Variants in ARID1B observed in about 807,000 individuals in gnomAD.
ARID1B encodes AT-rich interaction domain 1B, also known as AT-rich interactive domain-containing protein 1B.
In ARID1B, 30 loss-of-function variants were observed where a neutral mutation model predicts 212.3. The ratio of observed to expected loss-of-function variants is 0.14; its 90% CI spans 0.11 to 0.19. ARID1B has a LOEUF of 0.19. ARID1B is among the 10% of genes least tolerant of loss of function. The probability of loss-of-function intolerance (pLI) is 1.00; values close to 1 mark genes in which losing one functional copy is unlikely to be tolerated. For missense variants in ARID1B, 2,891 were observed against 3,204.0 expected, an observed-to-expected ratio of 0.90 and a Z score of 2.36; for synonymous variants, 1,402 against 1,301.7, an observed-to-expected ratio of 1.08 and a Z score of -1.66.
rs571869572 is a variant in ARID1B, at chr6:157,026,721, GC to G, written c.2248-57937del. Among the ~76,000 whole-genome samples, 14 of 152,158 alleles carry G rather than the reference GC, an allele frequency of 9.2e-5. No individual in the cohort carries two copies. The East Asian group carries it at 2.7e-3, about 29-fold the overall frequency. On this transcript the variant is annotated intron_variant, in intron 4 of 19. Transcript: ENST00000636930. ...TGAGATGGGGGGGTCTCACTATTTT[GC>G]CCCAGTTGGTCTCGAAATCCTGAGC...
At chr6:156,781,152 G>A (rs1029561595) in intron 1 of ARID1B, among the ~76,000 whole-genome samples, 3 of 152,058 alleles carry the variant, frequency 2.0e-5, no homozygotes, top group Admixed American at 6.6e-5. Context: ...TTTAAAAAAC[G>A]AAATGAGGAA....
At position 156,945,857 on chromosome 6, in the gene ARID1B, A is replaced by C. The variant is rs918676697; in HGVS notation, c.2247+10281A>C. Among the ~76,000 whole-genome samples the C allele has an allele frequency of 3.3e-5, 5 of 151,504 alleles. No individual in the cohort carries two copies. The East Asian group carries it at 9.7e-4, about 29-fold the overall frequency. On this transcript the variant is annotated intron_variant, in intron 4 of 19. Transcript: ENST00000636930. Reference sequence around the variant, plus strand: ...ACCCCATCTTCACTAAAAATACAAAAATTACCTGGGTGTGGTAGGGCATGC... The same window carrying C: ...ACCCCATCTTCACTAAAAATACAAACATTACCTGGGTGTGGTAGGGCATGC...
At chr6:157,127,337 C>T (rs937586003) in intron 6 of ARID1B, among the ~76,000 whole-genome samples, 1 of 152,138 alleles carries the variant, frequency 6.6e-6, no homozygotes, top group Non-Finnish European at 1.5e-5. Flanking sequence ...GCTACCTGTC[C>T]TGTACCCTTG....
intron 5 of ARID1B, among the ~76,000 whole-genome samples, chr6:157,097,275 C>T (rs1419011627): frequency 1.3e-5 from 2 of 152,134 alleles, no homozygotes; most frequent in East Asian, 1.9e-4. Context: ...ACCATGCCAC[C>T]TATAGTACCA....
rs530019263 is a variant in ARID1B at position 157,109,942 on chromosome 6, T to C, written c.2492-530T>C. ...ATAATAGTCCCTTCTTTAGTGATCA[T>C]GTATACTGCATTTTATAGTAGTATG... On this transcript the variant is annotated intron_variant, in intron 5 of 19. Transcript: ENST00000636930. Among the ~76,000 whole-genome samples the C allele has an allele frequency of 1.7e-4, 26 of 152,376 alleles. No homozygotes were observed. In the South Asian group the frequency reaches 2.7e-3, roughly 16 times the overall value.
intron 4 of ARID1B, among the ~76,000 whole-genome samples, chr6:156,979,389 T>C (rs1016094491): frequency 1.1e-4 from 16 of 152,170 alleles, no homozygotes; most frequent in African/African-American, 3.9e-4. Context: ...GGGGAGAAAT[T>C]ACCTGCCCCA....
chr6:156,824,911 G>A (rs1425895837), intron 1 of ARID1B, among the ~76,000 whole-genome samples: 1 of 151,722 alleles, frequency 6.6e-6, no homozygotes, highest in Non-Finnish European at 1.5e-5. Flanking sequence ...CACCCAGGGT[G>A]GAGTGTGCAG....
chr6:156,839,875 G>A lies in ARID1B; in HGVS notation c.1986+10454G>A, dbSNP rs148826804. Among the ~76,000 whole-genome samples, 17 of 152,328 alleles carry A rather than the reference G, an allele frequency of 1.1e-4. No homozygotes were observed. The East Asian group carries it at 2.9e-3, about 26-fold the overall frequency. The stretch of plus-strand genomic sequence containing the variant: ...GGTCTGGCAAGGAGCATCATGCAGT[G>A]TGCTTACTTCCAAATCAAACTCTGC... On this transcript the variant is annotated intron_variant, in intron 2 of 19. Coordinates refer to ENST00000636930, the MANE Select transcript of ARID1B (RefSeq NM_001374828.1).
In ARID1B at chr6:156,877,876, A is replaced by AT. The variant is rs71750418; in HGVS notation, c.1987-23489dup. On this transcript the variant is annotated intron_variant, in intron 2 of 19. Transcript: ENST00000636930. ...AGGCGTGTGCCTCCATACCTAGCTA[A>AT]TTTTTTTTTTTGTATTTTTAGTAGA... Among the ~76,000 whole-genome samples, 538 of 148,762 alleles carry AT rather than the reference A, an allele frequency of 3.6e-3. 3 individuals are homozygous for AT. Among genetic ancestry groups the AT allele is most frequent in the South Asian group, 0.011 (49 of 4,660 alleles).
chr6:156,881,773 G>A (rs918796496), intron 2 of ARID1B, among the ~76,000 whole-genome samples: 6 of 152,106 alleles, frequency 3.9e-5, no homozygotes, highest in African/African-American at 1.4e-4. Context: ...TTGGGGTGGC[G>A]GCAAGTTTAA....
At chr6:157,013,842 C>T (rs1779754258) in intron 4 of ARID1B, among the ~76,000 whole-genome samples, 1 of 152,210 alleles carries the variant, frequency 6.6e-6, no homozygotes, top group African/African-American at 2.4e-5. Flanking sequence ...AAGGAGTCAG[C>T]CCCCTGGGTC....
chr6:157,140,371 G>T (rs956168572), intron 7 of ARID1B, among the ~76,000 whole-genome samples: 2 of 152,136 alleles, frequency 1.3e-5, no homozygotes, highest in African/African-American at 4.8e-5. Context: ...TCAGGAGGCT[G>T]AGGCAGGAGA....
intron 4 of ARID1B, among the ~76,000 whole-genome samples, chr6:156,967,774 CTT>C (rs896033635): frequency 3.3e-5 from 5 of 152,044 alleles, no homozygotes; most frequent in East Asian, 1.9e-4. Flanking sequence ...ATAACGTAGA[CTT>C]ATATTTGAAA....
intron 6 of ARID1B, among the ~76,000 whole-genome samples, chr6:157,127,210 A>G (rs1358083762): frequency 6.6e-6 from 1 of 152,176 alleles, no homozygotes; most frequent in Non-Finnish European, 1.5e-5. Context: ...TGCCCCTACA[A>G]CTATTGAGCG....
At chr6:157,048,336 G>C (rs1782373550) in intron 4 of ARID1B, among the ~76,000 whole-genome samples, 1 of 152,202 alleles carries the variant, frequency 6.6e-6, no homozygotes, top group South Asian at 2.1e-4. Context: ...ATAAATACTT[G>C]TAAAAGATAT....
At chr6:157,101,070 AC>A (rs1786020540) in intron 5 of ARID1B, among the ~76,000 whole-genome samples, 1 of 152,208 alleles carries the variant, frequency 6.6e-6, no homozygotes, top group African/African-American at 2.4e-5. Flanking sequence ...GAATAAAGCA[AC>A]CCAGTGTTTT....
At chr6:156,858,243 AG>A (rs1177796554) in intron 2 of ARID1B, among the ~76,000 whole-genome samples, 1 of 151,724 alleles carries the variant, frequency 6.6e-6, no homozygotes, top group Non-Finnish European at 1.5e-5. Context: ...GAGAGATGGG[AG>A]GGGGGATAAA....
chr6:156,783,633 A>G (rs796815591), intron 1 of ARID1B, among the ~76,000 whole-genome samples: 33 of 152,326 alleles, frequency 2.2e-4, no homozygotes, highest in African/African-American at 7.0e-4. Context: ...TGATCATTTC[A>G]TTTATTTAAC....
At chr6:156,998,956 C>G (rs539859565) in intron 4 of ARID1B, among the ~76,000 whole-genome samples, 2 of 152,300 alleles carry the variant, frequency 1.3e-5, no homozygotes, top group African/African-American at 4.8e-5. Flanking sequence ...GAACACATTC[C>G]AAGTTAAATC....
Sources: allele counts gnomAD v4.1 joint callset (sites outside exome capture counted in the v4.1 genomes callset), GRCh38; gene constraint gnomAD v4.1.1; transcripts MANE v1.5; gene names NCBI Gene and HGNC (gene_info 2026-07-23, HGNC 2026-07-21).